The following DCDC2 variants were observed in gnomAD, a reference collection of about 807,000 sequenced individuals.
DCDC2 encodes the protein doublecortin domain-containing protein 2.
A neutral mutation model predicts 50.2 loss-of-function variants in DCDC2; 40 were observed. The ratio of observed to expected loss-of-function variants is 0.80; its 90% CI spans 0.62 to 1.04. DCDC2 has a LOEUF of 1.04. Among genes scored for constraint, DCDC2 ranks in the 50% least tolerant of loss-of-function variants. The pLI, the probability that DCDC2 is intolerant of heterozygous loss-of-function variation, is 0.00. For missense variants in DCDC2, 570 were observed against 581.9 expected, an observed-to-expected ratio of 0.98 and a Z score of 0.21; for synonymous variants, 234 against 210.6, an observed-to-expected ratio of 1.11 and a Z score of -0.96.
chr6:24,366,629 T>G, the DCDC2 span, among the ~76,000 whole-genome samples: 1 of 152,246 alleles, frequency 6.6e-6, no homozygotes, highest in Non-Finnish European at 1.5e-5. Context: ...GAAGAAGGGA[T>G]GCACCTTGAG....
chr6:24,333,015 C>G (rs983324900), intron 2 of DCDC2, among the ~76,000 whole-genome samples: 1 of 152,032 alleles, frequency 6.6e-6, no homozygotes, highest in Non-Finnish European at 1.5e-5. Context: ...GGGGAACTGA[C>G]CTAGTTAGGA....
chr6:24,240,620 T>C (rs538404951), intron 7 of DCDC2, among the ~76,000 whole-genome samples: 10 of 152,262 alleles, frequency 6.6e-5, no homozygotes, highest in East Asian at 1.9e-4. Context: ...AGGGGACTAG[T>C]CAATTTCAAA....
Position 24,338,075 on chromosome 6 carries a change from G to A in DCDC2, c.348+15494C>T, listed in dbSNP as rs140389817. Among the ~76,000 whole-genome samples, 34 of 152,220 alleles carry A rather than the reference G, an allele frequency of 2.2e-4. No homozygotes were observed. The East Asian group carries it at 6.4e-3, about 28-fold the overall frequency. On this transcript the variant is annotated intron_variant, in intron 2 of 9. Transcript: ENST00000378454. ...CATGAACACACAGTCCCTCATCTGT[G>A]AGCTCTTGAGAAACATGTTTTCATT...
At chr6:24,309,957 C>G (rs73396047) in intron 2 of DCDC2, among the ~76,000 whole-genome samples, 2 of 151,814 alleles carry the variant, frequency 1.3e-5, no homozygotes, top group Non-Finnish European at 2.9e-5. Flanking sequence ...TAGTGAGACC[C>G]TGTCTATTAA....
chr6:24,222,643 T>C (rs948148607), intron 7 of DCDC2, among the ~76,000 whole-genome samples: 8 of 152,336 alleles, frequency 5.3e-5, no homozygotes, highest in Non-Finnish European at 1.0e-4. Context: ...AGGGGTTTAA[T>C]TTCAGGGTAA....
At position 24,256,274 on chromosome 6, in the gene DCDC2, A is replaced by ATGTT. The variant is rs10654672; in HGVS notation, c.922+21774_922+21775insAACA. Among the ~76,000 whole-genome samples, 564 of 143,508 alleles carry ATGTT rather than the reference A, an allele frequency of 3.9e-3. 9 individuals carry two copies. The highest frequency in any genetic ancestry group is 0.014 in the African/African-American group (519 of 38,160). The allele number at this position is 143,508 out of a possible 152,430, so 94.1% of individuals were successfully genotyped here. A position where few individuals can be genotyped will look rare whatever the true frequency, so the allele number is the denominator to read the frequency against. On this transcript the variant is annotated intron_variant, in intron 7 of 9. Transcript: ENST00000378454. Reference sequence around the variant, plus strand: ...GGGAGGGGCTTCTCAGATGCTGGACATTTTTTTTTTTTTTTTTATCTGACT... The same window carrying ATGTT: ...GGGAGGGGCTTCTCAGATGCTGGACATGTTTTTTTTTTTTTTTTTTTATCTGACT...
intron 2 of DCDC2, among the ~76,000 whole-genome samples, chr6:24,303,339 A>G (rs1257990436): frequency 6.6e-6 from 1 of 151,810 alleles, no homozygotes; most frequent in Non-Finnish European, 1.5e-5. Context: ...CTCATCTCCT[A>G]CCAACACTCC....
chr6:24,381,968 G>GAAGGAAGGAAGGAAGC, the DCDC2 span, among the ~76,000 whole-genome samples: 1 of 109,772 alleles, frequency 9.1e-6, no homozygotes, highest in Non-Finnish European at 1.9e-5. Flanking sequence ...AAGAAGGAAG[G>GAAGGAAGGAAGGAAGC]AAGGAAGGAA....
intron 8 of DCDC2, among the ~76,000 whole-genome samples, chr6:24,197,878 C>A (rs1337540048): frequency 1.3e-5 from 2 of 152,180 alleles, no homozygotes; most frequent in South Asian, 4.1e-4. Flanking sequence ...CCCTCCTCAC[C>A]TAAACTCCAA....
chr6:24,190,614 G>A (rs1761293575), intron 8 of DCDC2, among the ~76,000 whole-genome samples: 2 of 152,076 alleles, frequency 1.3e-5, no homozygotes, highest in South Asian at 4.1e-4. Flanking sequence ...ATTTATATCA[G>A]AAATCCCTGA....
At chr6:24,374,795 C>T in the DCDC2 span, among the ~76,000 whole-genome samples, 2 of 152,134 alleles carry the variant, frequency 1.3e-5, no homozygotes, top group African/African-American at 4.8e-5. Context: ...AGCTCAGGGA[C>T]AGTGAGGAGG....
rs150727870 is a variant in DCDC2, at chr6:24,208,809, G to A, written c.923-3707C>T. Among the ~76,000 whole-genome samples the A allele has an allele frequency of 5.9e-5, 9 of 152,302 alleles. No homozygotes were observed. In the East Asian group the frequency reaches 1.7e-3, roughly 29 times the overall value. Reference sequence around the variant, plus strand: ...GCATAGACCACAATTTTTGTCCTGTGCCTAGCACAATGTCAGCCTCCTAAC... The same window carrying A: ...GCATAGACCACAATTTTTGTCCTGTACCTAGCACAATGTCAGCCTCCTAAC... On this transcript the variant is annotated intron_variant, in intron 7 of 9. Transcript: ENST00000378454.
At chr6:24,380,910 C>A in the DCDC2 span, among the ~76,000 whole-genome samples, 1 of 151,966 alleles carries the variant, frequency 6.6e-6, no homozygotes, top group Non-Finnish European at 1.5e-5. Context: ...ACAGTGGGAA[C>A]CCATCTCTAC....
chr6:24,334,654 G>A (rs766643424), intron 2 of DCDC2, among the ~76,000 whole-genome samples: 1 of 152,206 alleles, frequency 6.6e-6, no homozygotes, highest in Non-Finnish European at 1.5e-5. Context: ...AAATTGTGGA[G>A]TAGCTTTGGC....
the DCDC2 span, among the ~76,000 whole-genome samples, chr6:24,365,477 A>G: frequency 1.3e-5 from 2 of 152,168 alleles, no homozygotes; most frequent in Non-Finnish European, 2.9e-5. Flanking sequence ...TTTTTAGTAG[A>G]GACAGGGTTT....
intron 2 of DCDC2, among the ~76,000 whole-genome samples, chr6:24,308,193 T>C (rs949767738): frequency 6.6e-6 from 1 of 152,240 alleles, no homozygotes; most frequent in Non-Finnish European, 1.5e-5. Context: ...TGTGGAAAGC[T>C]GTGTAACAGA....
At chr6:24,358,226 T>G, upstream of DCDC2, 1 of 287,504 alleles carries the variant, frequency 3.5e-6, no homozygotes, top group Non-Finnish European at 6.8e-6. Context: ...TTCTCTCTTC[T>G]TGCACCTTTA....
At chr6:24,204,377 TAACACAGG>T (rs1355431105) in intron 8 of DCDC2, among the ~76,000 whole-genome samples, 1 of 152,138 alleles carries the variant, frequency 6.6e-6, no homozygotes, top group African/African-American at 2.4e-5. Context: ...CTCAGCAAAC[TAACACAGG>T]AACAGAAAAC....
intron 2 of DCDC2, among the ~76,000 whole-genome samples, chr6:24,309,796 C>T (rs948772251): frequency 2.6e-5 from 4 of 152,072 alleles, no homozygotes; most frequent in African/African-American, 4.8e-5. Flanking sequence ...GGAACAAGAT[C>T]TCACAATATA....
Sources: allele counts gnomAD v4.1 joint callset (sites outside exome capture counted in the v4.1 genomes callset), GRCh38; gene constraint gnomAD v4.1.1; transcripts MANE v1.5; gene names NCBI Gene and HGNC (gene_info 2026-07-23, HGNC 2026-07-21).